Variants in RPS6KC1 observed in about 807,000 individuals in gnomAD.
The protein encoded by RPS6KC1 is inactive ribosomal protein S6 kinase delta-1.
In RPS6KC1, 54 loss-of-function variants were observed where a neutral mutation model predicts 103.8. That is an observed-to-expected ratio of 0.52 (90% CI 0.42 to 0.65). The LOEUF (loss-of-function observed/expected upper bound fraction) is 0.65, where lower values mean the gene tolerates loss of function less well. Ranked by LOEUF, RPS6KC1 falls within the 30% of genes least tolerant of loss-of-function variation. RPS6KC1 has a pLI of 0.00. For synonymous variants in RPS6KC1, 439 were observed against 438.7 expected, an observed-to-expected ratio of 1.00 and a Z score of -0.01; for missense variants, 1,151 against 1,253.8, an observed-to-expected ratio of 0.92 and a Z score of 1.24.
chr1:213,182,850 CATG>C (rs902651922), intron 8 of RPS6KC1, among the ~76,000 whole-genome samples: 1 of 146,188 alleles, frequency 6.8e-6, no homozygotes, highest in African/African-American at 2.5e-5. Flanking sequence ...ATTTATATAT[CATG>C]ATATATATGT....
intron 7 of RPS6KC1, among the ~76,000 whole-genome samples, chr1:213,171,132 T>C (rs1018226586): frequency 3.3e-5 from 5 of 152,278 alleles, no homozygotes; most frequent in Non-Finnish European, 5.9e-5. Flanking sequence ...TAGAGATCTT[T>C]ATATAATAAA....
chr1:213,440,593 TAAAAAAA>T, the RPS6KC1 span, among the ~76,000 whole-genome samples: 17 of 100,394 alleles, frequency 1.7e-4, no homozygotes, highest in South Asian at 6.8e-3. Context: ...TTAATGGAAC[TAAAAAAA>T]AAAAAAAAAA....
intron 8 of RPS6KC1, among the ~76,000 whole-genome samples, chr1:213,192,563 C>A (rs1418153811): frequency 6.6e-6 from 1 of 152,072 alleles, no homozygotes; most frequent in Admixed American, 6.5e-5. Context: ...TGTTATTGAT[C>A]TCTTCAGGTT....
intron 6 of RPS6KC1, among the ~76,000 whole-genome samples, chr1:213,165,527 C>A (rs1333410149): frequency 1.3e-5 from 2 of 151,938 alleles, no homozygotes; most frequent in Non-Finnish European, 2.9e-5. Context: ...GGGTTCACAC[C>A]ATTCTCCTGC....
chr1:213,355,386 C>A, the RPS6KC1 span, among the ~76,000 whole-genome samples: 3 of 152,070 alleles, frequency 2.0e-5, no homozygotes, highest in African/African-American at 4.8e-5. Flanking sequence ...CTTGCAGAAT[C>A]GGGAGCTGTA....
At chr1:213,561,380 G>A in the RPS6KC1 span, among the ~76,000 whole-genome samples, 1 of 152,126 alleles carries the variant, frequency 6.6e-6, no homozygotes, top group Admixed American at 6.5e-5. Context: ...TTGCCCTCTT[G>A]GGGTGATATT....
At chr1:213,093,271 C>T (rs558980257) in intron 3 of RPS6KC1, among the ~76,000 whole-genome samples, 43 of 150,060 alleles carry the variant, frequency 2.9e-4, no homozygotes, top group Non-Finnish European at 5.0e-4. Flanking sequence ...AGTGCAGTGG[C>T]GCCATCTCGG....
chr1:213,662,117 A>G, the RPS6KC1 span, among the ~76,000 whole-genome samples: 1 of 151,800 alleles, frequency 6.6e-6, no homozygotes, highest in Non-Finnish European at 1.5e-5. Flanking sequence ...TATGACCCCC[A>G]CTCCCCTCGA....
At chr1:213,859,974 A>ATT in the RPS6KC1 span, among the ~76,000 whole-genome samples, 481 of 146,850 alleles carry the variant, frequency 3.3e-3, no homozygotes, top group African/African-American at 0.013. Flanking sequence ...ATACAGTCTA[A>ATT]ACAAAAAAAA....
chr1:213,544,263 C>T, the RPS6KC1 span, among the ~76,000 whole-genome samples: 5 of 152,036 alleles, frequency 3.3e-5, no homozygotes. Flanking sequence ...AGGGAGAGGG[C>T]AGGGTGGTAC....
intron 8 of RPS6KC1, among the ~76,000 whole-genome samples, chr1:213,227,896 C>T (rs1033758104): frequency 3.3e-5 from 5 of 152,220 alleles, no homozygotes; most frequent in African/African-American, 9.6e-5. Flanking sequence ...CCAGATAATC[C>T]AGTGTAATCT....
chr1:213,822,757 G>A, the RPS6KC1 span, among the ~76,000 whole-genome samples: 2 of 152,200 alleles, frequency 1.3e-5, no homozygotes, highest in African/African-American at 4.8e-5. Flanking sequence ...TGTTACAGAA[G>A]TAAGTTCTTT....
At chr1:213,536,933 T>C in the RPS6KC1 span, among the ~76,000 whole-genome samples, 2 of 152,232 alleles carry the variant, frequency 1.3e-5, no homozygotes, top group African/African-American at 4.8e-5. Flanking sequence ...ATATACAGAA[T>C]TGGTCCGGTG....
the RPS6KC1 span, among the ~76,000 whole-genome samples, chr1:213,693,367 C>T: frequency 2.9e-3 from 446 of 152,314 alleles, 2 homozygotes; most frequent in African/African-American, 0.01. Context: ...ACCCTGTGTG[C>T]CCAGTATCCC....
the RPS6KC1 span, among the ~76,000 whole-genome samples, chr1:213,854,568 C>T: frequency 4.9e-4 from 71 of 144,364 alleles, 1 homozygote; most frequent in African/African-American, 1.6e-3. Flanking sequence ...TTCTTTCTCT[C>T]TCTCTCTCTC....
At chr1:213,515,946 A>G in the RPS6KC1 span, among the ~76,000 whole-genome samples, 3 of 95,526 alleles carry the variant, frequency 3.1e-5, no homozygotes, top group African/African-American at 5.4e-5. Flanking sequence ...GGTCCTTCAC[A>G]TCCCTTGTAA....
At chr1:213,343,151 T>A in the RPS6KC1 span, among the ~76,000 whole-genome samples, 1 of 150,078 alleles carries the variant, frequency 6.7e-6, no homozygotes, top group Non-Finnish European at 1.5e-5. Context: ...TTGAAAAAAA[T>A]GTGAATACTA....
the RPS6KC1 span, among the ~76,000 whole-genome samples, chr1:213,679,817 C>G: frequency 6.6e-5 from 10 of 152,176 alleles, no homozygotes. Context: ...CTCATGAAAT[C>G]AACTTTATGA....
chr1:213,146,237 G>A (rs2087808028), intron 6 of RPS6KC1, among the ~76,000 whole-genome samples: 1 of 151,276 alleles, frequency 6.6e-6, no homozygotes, highest in East Asian at 1.9e-4. Context: ...CTTTTTCATG[G>A]CTCAATAGTA....
Sources: allele counts gnomAD v4.1 joint callset (sites outside exome capture counted in the v4.1 genomes callset), GRCh38; gene constraint gnomAD v4.1.1; transcripts MANE v1.5; gene names NCBI Gene and HGNC (gene_info 2026-07-23, HGNC 2026-07-21).